The following AUTS2 variants were observed in gnomAD, a reference collection of about 807,000 sequenced individuals.
AUTS2 encodes autism susceptibility gene 2 protein.
A neutral mutation model predicts 112.4 loss-of-function variants in AUTS2; 17 were observed. The observed-to-expected ratio is 0.15, with a 90% CI of 0.10 to 0.23. The LOEUF (loss-of-function observed/expected upper bound fraction) is 0.23. Ranked by LOEUF, AUTS2 falls within the 10% of genes least tolerant of loss-of-function variation. The pLI is 1.00. For missense variants in AUTS2, 1,510 were observed against 1,701.6 expected, an observed-to-expected ratio of 0.89 and a Z score of 1.98; for synonymous variants, 751 against 702.7, an observed-to-expected ratio of 1.07 and a Z score of -1.09.
intron 4 of AUTS2, among the ~76,000 whole-genome samples, chr7:70,204,107 C>T (rs921805378): frequency 1.3e-5 from 2 of 151,952 alleles, no homozygotes; most frequent in Non-Finnish European, 2.9e-5. Context: ...CCTAATAATT[C>T]ATACCAGTGA....
intron 3 of AUTS2, among the ~76,000 whole-genome samples, chr7:70,129,302 C>G (rs1178231006): frequency 6.6e-6 from 1 of 152,216 alleles, no homozygotes; most frequent in African/African-American, 2.4e-5. Context: ...AAGGAATTCT[C>G]TCTTCTCTGG....
At chr7:70,303,430 G>GCA (rs1171296742) in intron 4 of AUTS2, among the ~76,000 whole-genome samples, 127 of 109,944 alleles carry the variant, frequency 1.2e-3, no homozygotes, top group African/African-American at 4.2e-3. Context: ...ACACGCGCGC[G>GCA]CGCGCACATA....
At chr7:69,922,709 A>G (rs541101437) in intron 2 of AUTS2, among the ~76,000 whole-genome samples, 1 of 152,212 alleles carries the variant, frequency 6.6e-6, no homozygotes, top group Non-Finnish European at 1.5e-5. Flanking sequence ...CTTAGTGAAG[A>G]TCATTTACTT....
intron 5 of AUTS2, among the ~76,000 whole-genome samples, chr7:70,636,544 G>A (rs1055964637): frequency 3.3e-5 from 5 of 152,096 alleles, no homozygotes; most frequent in East Asian, 1.9e-4. Context: ...GAAAAAACAC[G>A]GAACTTTTTT....
At chr7:70,156,704 A>AT (rs1807782025) in intron 4 of AUTS2, among the ~76,000 whole-genome samples, 1 of 151,372 alleles carries the variant, frequency 6.6e-6, no homozygotes, top group South Asian at 2.1e-4. Flanking sequence ...TTAGGGAACA[A>AT]TTTTTCAGCT....
intron 1 of AUTS2, among the ~76,000 whole-genome samples, chr7:69,664,343 A>G (rs1795934435): frequency 6.6e-6 from 1 of 152,222 alleles, no homozygotes; most frequent in Non-Finnish European, 1.5e-5. Flanking sequence ...TGTGTCACAT[A>G]TTAGCATTCA....
chr7:69,993,331 C>G (rs1046387645), intron 2 of AUTS2, among the ~76,000 whole-genome samples: 1 of 152,188 alleles, frequency 6.6e-6, no homozygotes, highest in African/African-American at 2.4e-5. Flanking sequence ...ATGGCCCTCT[C>G]AGCATTCCCG....
chr7:70,481,612 A>G (rs1183507927), intron 5 of AUTS2, among the ~76,000 whole-genome samples: 2 of 152,124 alleles, frequency 1.3e-5, no homozygotes, highest in African/African-American at 4.8e-5. Flanking sequence ...TAATTTGTAA[A>G]CACTTAATAA....
At position 70,681,839 on chromosome 7, in the gene AUTS2, C is replaced by T. The variant is rs1013972456; in HGVS notation, c.691-16730C>T. On this transcript the variant is annotated intron_variant, in intron 5 of 18. Coordinates refer to ENST00000342771, the MANE Select transcript of AUTS2 (RefSeq NM_015570.4). ...TCCCAGCAGATCCAACCCTATGTTC[C>T]AACTTAGTCCCAGCATATTCGACCC... 4.6e-5 allele frequency among the ~76,000 whole-genome samples: 7 copies of T among 152,146 alleles called. 1 individual carries two copies. Among genetic ancestry groups the T allele is most frequent in the Admixed American group, 3.9e-4 (6 of 15,280 alleles).
chr7:70,373,074 CATACACTGCA>C (rs1416392355), intron 4 of AUTS2, among the ~76,000 whole-genome samples: 5 of 151,636 alleles, frequency 3.3e-5, no homozygotes, highest in Non-Finnish European at 5.9e-5. Context: ...AGATTGCTGA[CATACACTGCA>C]ATATCACGTG....
At chr7:69,934,316 C>A (rs998419436) in intron 2 of AUTS2, among the ~76,000 whole-genome samples, 3 of 152,184 alleles carry the variant, frequency 2.0e-5, no homozygotes, top group African/African-American at 7.2e-5. Context: ...CTCATAGTGG[C>A]ATGTTCCTGT....
intron 1 of AUTS2, among the ~76,000 whole-genome samples, chr7:69,777,942 A>G (rs947318366): frequency 2.0e-5 from 3 of 152,140 alleles, no homozygotes; most frequent in African/African-American, 7.2e-5. Flanking sequence ...TTATGTTCCT[A>G]TACTGAGATG....
chr7:69,959,290 T>C (rs2129546799), intron 2 of AUTS2, among the ~76,000 whole-genome samples: 1 of 152,310 alleles, frequency 6.6e-6, no homozygotes, highest in East Asian at 1.9e-4. Context: ...TTTGGGAGCC[T>C]GCTGGTGCCA....
chr7:70,187,462 C>T (rs1215769022), intron 4 of AUTS2, among the ~76,000 whole-genome samples: 1 of 152,030 alleles, frequency 6.6e-6, no homozygotes, highest in Non-Finnish European at 1.5e-5. Context: ...TAAGTCTTGC[C>T]TTTCAGATAT....
At chr7:70,034,135 T>C (rs1482783635) in intron 2 of AUTS2, among the ~76,000 whole-genome samples, 1 of 152,158 alleles carries the variant, frequency 6.6e-6, no homozygotes, top group Non-Finnish European at 1.5e-5. Flanking sequence ...AAGACAAAAG[T>C]AAAAGATAAA....
At chr7:70,106,365 C>T (rs1804767341) in intron 2 of AUTS2, among the ~76,000 whole-genome samples, 1 of 152,142 alleles carries the variant, frequency 6.6e-6, no homozygotes, top group Non-Finnish European at 1.5e-5. Context: ...CAGGGGCACA[C>T]CCCCTTGCTA....
intron 1 of AUTS2, among the ~76,000 whole-genome samples, chr7:69,692,087 C>A (rs1797373499): frequency 6.6e-6 from 1 of 152,126 alleles, no homozygotes. Context: ...TGTGTATATG[C>A]TTTAGAGGTG....
At chr7:70,029,371 T>C (rs1800672406) in intron 2 of AUTS2, among the ~76,000 whole-genome samples, 2 of 151,936 alleles carry the variant, frequency 1.3e-5, no homozygotes, top group African/African-American at 2.4e-5. Flanking sequence ...ACAGTCTGCT[T>C]CCCCCTTTTC....
chr7:69,672,123 G>A (rs1450712862), intron 1 of AUTS2, among the ~76,000 whole-genome samples: 3 of 151,558 alleles, frequency 2.0e-5, no homozygotes, highest in Non-Finnish European at 4.4e-5. Flanking sequence ...GCAGTGGCAC[G>A]ATCTCAGCTC....
Sources: gnomAD v4.1 joint callset for allele counts (sites outside exome capture counted in the v4.1 genomes callset) on GRCh38, gnomAD v4.1.1 for gene constraint, MANE v1.5 for transcripts, NCBI Gene and HGNC (gene_info 2026-07-23, HGNC 2026-07-21) for gene names.